RIMBP2: variants seen among roughly 807,000 people sequenced by gnomAD.
RIMBP2 encodes the protein RIMS binding protein 2.
In RIMBP2, 48 loss-of-function variants were observed where a neutral mutation model predicts 118.6. The ratio of observed to expected loss-of-function variants is 0.40; its 90% CI spans 0.32 to 0.51. The LOEUF is 0.51. Ranked by LOEUF, RIMBP2 falls within the 20% of genes least tolerant of loss-of-function variation. RIMBP2 has a pLI of 0.41. For missense variants in RIMBP2, 1,551 were observed against 1,768.3 expected, an observed-to-expected ratio of 0.88 and a Z score of 2.20; for synonymous variants, 762 against 742.9, an observed-to-expected ratio of 1.03 and a Z score of -0.42.
intron 2 of RIMBP2, among the ~76,000 whole-genome samples, chr12:130,563,853 T>C (rs1305634517): frequency 3.9e-5 from 6 of 152,230 alleles, no homozygotes; most frequent in African/African-American, 1.2e-4. Flanking sequence ...CATTCTTCCA[T>C]CTAAAATCCT....
intron 2 of RIMBP2, among the ~76,000 whole-genome samples, chr12:130,608,406 G>C (rs1420194397): frequency 6.6e-6 from 1 of 152,228 alleles, no homozygotes; most frequent in Non-Finnish European, 1.5e-5. Context: ...GGCCCTTCAG[G>C]GAAGTTTCAA....
chr12:130,604,096 C>G (rs756604468), intron 2 of RIMBP2, among the ~76,000 whole-genome samples: 4 of 151,992 alleles, frequency 2.6e-5, no homozygotes, highest in Admixed American at 6.5e-5. Flanking sequence ...TGATCCTGAC[C>G]CCGGGTAGGC....
chr12:130,500,886 C>T (rs1333790214), intron 4 of RIMBP2, among the ~76,000 whole-genome samples: 1 of 152,106 alleles, frequency 6.6e-6, no homozygotes, highest in African/African-American at 2.4e-5. Flanking sequence ...CCAAGTGAGC[C>T]GCTTCTATCA....
At chr12:130,641,096 C>G (rs559275250) in intron 1 of RIMBP2, among the ~76,000 whole-genome samples, 12 of 152,198 alleles carry the variant, frequency 7.9e-5, no homozygotes, top group Non-Finnish European at 1.8e-4. Flanking sequence ...CTGATTCTAA[C>G]ACGTGCCTTG....
intron 1 of RIMBP2, among the ~76,000 whole-genome samples, chr12:130,677,015 T>A (rs1192223230): frequency 1.3e-5 from 2 of 152,186 alleles, no homozygotes; most frequent in East Asian, 1.9e-4. Flanking sequence ...AAACCCTACC[T>A]CCACAAATGT....
chr12:130,407,477 A>G (rs201680746), intron 20 of RIMBP2, among the ~76,000 whole-genome samples: 24 of 152,326 alleles, frequency 1.6e-4, no homozygotes, highest in Admixed American at 1.6e-3. Flanking sequence ...TCTTTCTGTC[A>G]TGGCACAGGA....
At chr12:130,610,543 T>G (rs1271377428) in intron 2 of RIMBP2, among the ~76,000 whole-genome samples, 2 of 147,278 alleles carry the variant, frequency 1.4e-5, no homozygotes, top group Non-Finnish European at 3.0e-5. Flanking sequence ...ATCAAAGTAA[T>G]TTTCCTGCTT....
intron 11 of RIMBP2, 35 bp downstream of exon 11, chr12:130,441,813 T>C: frequency 6.3e-7 from 1 of 1,586,744 alleles, no homozygotes; most frequent in Non-Finnish European, 8.6e-7. Flanking sequence ...TGGCGTTCTC[T>C]CCCTGGGGGA....
Position 130,422,037 on chromosome 12 carries a change from G to C in RIMBP2, c.3238+416C>G, listed in dbSNP as rs1172194575. Among the ~76,000 whole-genome samples the C allele has an allele frequency of 6.6e-6, 1 of 152,194 alleles. No homozygotes were observed. Among genetic ancestry groups the C allele is most frequent in the Non-Finnish European group, 1.5e-5 (1 of 68,036 alleles). ...CCCAGGATTTAGCTCTGCTGCCAGCGTGTCTTCTGCAGACAGGCAGCATTC... is the reference window on the plus strand; with the variant it reads ...CCCAGGATTTAGCTCTGCTGCCAGCCTGTCTTCTGCAGACAGGCAGCATTC... On this transcript the variant is annotated intron_variant, in intron 17 of 22. Coordinates refer to ENST00000690449, the MANE Select transcript of RIMBP2 (RefSeq NM_001393629.1). The surrounding 1 kb of genome is among the most constrained non-coding windows in gnomAD (Gnocchi z 5.2).
chr12:130,677,720 A>T (rs548291862), intron 1 of RIMBP2, among the ~76,000 whole-genome samples: 1 of 152,034 alleles, frequency 6.6e-6, no homozygotes, highest in African/African-American at 2.4e-5. Context: ...AGCCTTTGTC[A>T]ACTGTCCATC....
Position 130,424,276 on chromosome 12 carries a change from T to A in RIMBP2, c.2995A>T (p.Arg999Trp). ...PQPGPERPPP[R>W]KHGWGEPTEH... ...GTGGGCTCGCCCCAGCCGTGCTTCC[T>A]GGGGGGCGGCCTCTCCGGGCCGGGC... The change falls in exon 16 of 23, where the codon AGG becomes TGG. Residue 999 changes from arginine (R) to tryptophan (W), a missense_variant. Arg to Trp is a moderately radical substitution (Grantham distance 101, BLOSUM62 -3). Transcript: ENST00000690449. The surrounding 1 kb of genome is among the most constrained non-coding windows in gnomAD (Gnocchi z 9.8). The A allele has an allele frequency of 8.1e-7, 1 of 1,231,748 alleles. No homozygotes were observed. The highest frequency in any genetic ancestry group is 1.0e-6 in the Non-Finnish European group (1 of 987,864). The allele number at this position is 1,231,748 out of a possible 1,614,324, so 76.3% of individuals were successfully genotyped here.
rs1346176406 is a variant in RIMBP2, at chr12:130,447,577, G to C, written c.582-2308C>G. On this transcript the variant is annotated intron_variant, in intron 9 of 22. Coordinates refer to ENST00000690449, the MANE Select transcript of RIMBP2 (RefSeq NM_001393629.1). The surrounding 1 kb of genome is among the most constrained non-coding windows in gnomAD (Gnocchi z 4.4). Reference sequence around the variant, plus strand: ...TGATCACTGATGGGAATGGGTTCTTGAGGGGCGATGGGAGACCCCCACATG... The same window carrying C: ...TGATCACTGATGGGAATGGGTTCTTCAGGGGCGATGGGAGACCCCCACATG... Among the ~76,000 whole-genome samples, 2 of 152,172 alleles carry C rather than the reference G, an allele frequency of 1.3e-5. No homozygotes were observed. Among genetic ancestry groups the C allele is most frequent in the East Asian group, 1.9e-4 (1 of 5,176 alleles).
At chr12:130,483,956 G>A (rs1321655353) in intron 4 of RIMBP2, among the ~76,000 whole-genome samples, 1 of 152,012 alleles carries the variant, frequency 6.6e-6, no homozygotes, top group Non-Finnish European at 1.5e-5. Context: ...CCTGAGCCAT[G>A]CCACTAACAG....
chr12:130,715,295 A>C (rs913799106), intron 1 of RIMBP2, among the ~76,000 whole-genome samples: 1 of 152,078 alleles, frequency 6.6e-6, no homozygotes, highest in Non-Finnish European at 1.5e-5. Context: ...GCACGGAGCC[A>C]GCACCCCCGC....
At chr12:130,538,162 G>T (rs1450599653) in intron 2 of RIMBP2, among the ~76,000 whole-genome samples, 1 of 151,776 alleles carries the variant, frequency 6.6e-6, no homozygotes, top group Non-Finnish European at 1.5e-5. Context: ...TGTTTTACGG[G>T]GCCCCAAGTT....
chr12:130,539,078 C>T (rs533846097), intron 2 of RIMBP2, among the ~76,000 whole-genome samples: 1 of 152,288 alleles, frequency 6.6e-6, no homozygotes, highest in East Asian at 1.9e-4. Flanking sequence ...TCCAGCTTGC[C>T]CCTTTTAAAT....
intron 2 of RIMBP2, among the ~76,000 whole-genome samples, chr12:130,545,893 G>GA (rs1360281553): frequency 6.6e-6 from 1 of 152,074 alleles, no homozygotes; most frequent in Non-Finnish European, 1.5e-5. Flanking sequence ...TGGGATTGTG[G>GA]AAAAACAAAG....
chr12:130,689,666 T>A (rs534397715), intron 1 of RIMBP2, among the ~76,000 whole-genome samples: 5 of 152,158 alleles, frequency 3.3e-5, no homozygotes, highest in African/African-American at 1.2e-4. Context: ...CCATCAACAC[T>A]TCGAGACTGC....
At position 130,442,787 on chromosome 12, in the gene RIMBP2, G is replaced by A. The variant is rs910276046; in HGVS notation, c.692-127C>T. 5.1e-5 allele frequency: 38 copies of A among 748,464 alleles called. No homozygotes were observed. In the Admixed American group the frequency reaches 5.2e-4, roughly 10 times the overall value. The allele number at this position is 748,464 out of a possible 1,614,324, so 46.4% of individuals were successfully genotyped here. On this transcript the variant is annotated intron_variant, in intron 10 of 22. Coordinates refer to ENST00000690449, the MANE Select transcript of RIMBP2 (RefSeq NM_001393629.1). The surrounding 1 kb of genome is among the most constrained non-coding windows in gnomAD (Gnocchi z 6.9). ...AACAGGGTTGCCCTGGGGCTCCTCC[G>A]CTGTTCCCAGGAGTCCATGCTGGGG...
Sources: allele counts gnomAD v4.1 joint callset (sites outside exome capture counted in the v4.1 genomes callset), GRCh38; gene constraint gnomAD v4.1.1; non-coding constraint Gnocchi (gnomAD v3.1); transcripts MANE v1.5; gene names NCBI Gene and HGNC (gene_info 2026-07-23, HGNC 2026-07-21).